Variants in COL4A1 observed in about 807,000 individuals in gnomAD.
The protein encoded by COL4A1 is collagen alpha-1(IV) chain.
In COL4A1, 40 loss-of-function variants were observed where a neutral mutation model predicts 216.6. The ratio of observed to expected loss-of-function variants is 0.18; its 90% CI spans 0.14 to 0.24. The LOEUF (loss-of-function observed/expected upper bound fraction) is 0.24. COL4A1 is among the 10% of genes least tolerant of loss of function. COL4A1 has a pLI of 1.00. For synonymous variants in COL4A1, 839 were observed against 810.7 expected (o/e 1.03, Z -0.59); for missense variants, 1,628 against 2,196.8 (o/e 0.74, Z 5.18).
At chr13:110,214,069 G>C in intron 2 of COL4A1, 54 bp from the exon 3 acceptor site, 1 of 1,467,442 alleles carries the variant, frequency 6.8e-7, no homozygotes, top group East Asian at 2.3e-5. Context: ...AACAGAGGAA[G>C]GAATTGGTGA....
chr13:110,214,309 C>T (rs1238507010), intron 2 of COL4A1, among the ~76,000 whole-genome samples: 1 of 152,056 alleles, frequency 6.6e-6, no homozygotes, highest in African/African-American at 2.4e-5. Context: ...AGGCTGGTCT[C>T]GAACTTCTGA....
rs186028417 is a variant in COL4A1 at position 110,163,454 on chromosome 13, G to T, written c.4249+9C>A. On this transcript the variant is annotated intron_variant, in intron 47 of 51. Transcript: ENST00000375820. ...CAAGGGTAATTACGTTGGAAGTTTC[G>T]CAACCTACCAGTAGGCCCGGCAGGT... The T allele has an allele frequency of 6.2e-7, 1 of 1,613,612 alleles. No homozygotes were observed. The highest frequency in any genetic ancestry group is 1.3e-5 in the African/African-American group (1 of 74,982).
chr13:110,169,771 A>C lies in COL4A1; in HGVS notation c.3743-9T>G. On this transcript the variant is annotated splice_polypyrimidine_tract_variant and intron_variant, in intron 42 of 51. Transcript: ENST00000375820. ...CATGGGTCCCGGAAGTCCTAATGGA[A>C]GAGAAGAAAGCCACACATTTGGGGT... is the stretch of plus-strand genomic sequence containing the variant. 2 of 1,613,828 alleles carry C rather than the reference A, an allele frequency of 1.2e-6. No homozygotes were observed. The highest frequency in any genetic ancestry group is 1.7e-6 in the Non-Finnish European group (2 of 1,179,984).
At chr13:110,279,501 C>CAG (rs1883543548) in intron 1 of COL4A1, among the ~76,000 whole-genome samples, 2 of 152,120 alleles carry the variant, frequency 1.3e-5, no homozygotes, top group Non-Finnish European at 2.9e-5. Flanking sequence ...TTGCTCAGTT[C>CAG]CCCATATCCT....
At chr13:110,194,982 A>C in intron 22 of COL4A1, 41 bp downstream of exon 22, 1 of 1,574,404 alleles carries the variant, frequency 6.4e-7, no homozygotes, top group East Asian at 2.2e-5. Flanking sequence ...AATCATACGC[A>C]AAGACACAAC....
Position 110,242,710 on chromosome 13 carries a change from C to T in COL4A1, c.109G>A (p.Gly37Ser). Residue 37 changes from glycine to serine, a missense_variant, in exon 2 of 52, where the codon GGC becomes AGC. Physicochemically the swap from Gly to Ser is moderately conservative, Grantham distance 56. This residue lies in a region of COL4A1 where 74 missense variants were observed against 61.7 expected (regional missense o/e 1.20). Coordinates refer to ENST00000375820, the MANE Select transcript of COL4A1 (RefSeq NM_001845.6). ...TTCACTCCATGGCAGTCACATTTGC[C>T]ACAGCCAGAGCCAGCACAGCCACCC... The part of the protein sequence containing the change: ...AKGGCAGSGC[G>S]KCDCHGVKGQ... 1 of 1,614,212 alleles carries T rather than the reference C, an allele frequency of 6.2e-7. No homozygotes were observed. Among genetic ancestry groups the T allele is most frequent in the Non-Finnish European group, 8.5e-7 (1 of 1,180,038 alleles).
chr13:110,238,453 C>A (rs1881420569), intron 2 of COL4A1, among the ~76,000 whole-genome samples: 1 of 152,162 alleles, frequency 6.6e-6, no homozygotes. Flanking sequence ...ACAGAAGAAC[C>A]TAGTCTATAT....
At chr13:110,165,059 G>A in intron 45 of COL4A1, 69 bp from the exon 46 acceptor site, 2 of 1,565,830 alleles carry the variant, frequency 1.3e-6, no homozygotes, top group African/African-American at 1.3e-5. Flanking sequence ...ACTTTAGAAG[G>A]AGAATCCCGG....
At chr13:110,239,668 C>T (rs74681789) in intron 2 of COL4A1, among the ~76,000 whole-genome samples, 7,607 of 152,224 alleles carry the variant, frequency 0.05, 347 homozygotes, top group African/African-American at 0.12. Context: ...TGTTTTTACA[C>T]TAGGTCGGCA....
chr13:110,241,150 G>A (rs1274727549), intron 2 of COL4A1, among the ~76,000 whole-genome samples: 2 of 152,290 alleles, frequency 1.3e-5, no homozygotes, highest in South Asian at 2.1e-4. Flanking sequence ...GATTACAGGC[G>A]TGACCCACCA....
intron 20 of COL4A1, among the ~76,000 whole-genome samples, 171 bp downstream of exon 20, chr13:110,200,683 T>C (rs557310016): frequency 3.9e-5 from 6 of 152,264 alleles, no homozygotes; most frequent in Admixed American, 2.6e-4. Context: ...AAAGACAAGA[T>C]ACTTATCTAC....
chr13:110,160,394 G>C (rs1376758974), intron 49 of COL4A1, among the ~76,000 whole-genome samples: 1 of 89,028 alleles, frequency 1.1e-5, no homozygotes, highest in Non-Finnish European at 2.2e-5. Flanking sequence ...AGTGAGCCGA[G>C]ATTGCGCCAC....
Position 110,174,448 on chromosome 13 carries a change from G to C in COL4A1, c.3404C>G (p.Ala1135Gly). Residue 1135 changes from alanine (A) to glycine (G), a missense_variant and splice_region_variant, in exon 39 of 52, where the codon GCA (alanine) becomes GGA (glycine). Ala to Gly is a moderately conservative substitution (Grantham distance 60). Transcript: ENST00000375820. ...GTGTCCCAAAGAGGGCCCTCTACCT[G>C]CTTCTCCTTTGACACCAGGGATGCC... is the stretch of plus-strand genomic sequence containing the variant. ...LDGIPGVKGEAGLPGTPGPTG... is the reference protein window; with the variant it reads ...LDGIPGVKGEGGLPGTPGPTG... 1 of 1,613,800 alleles carries C rather than the reference G, an allele frequency of 6.2e-7. No individual in the cohort carries two copies. The highest frequency in any genetic ancestry group is 8.5e-7 in the Non-Finnish European group (1 of 1,180,008).
chr13:110,189,040 G>GT (rs908726914), intron 24 of COL4A1, among the ~76,000 whole-genome samples: 51 of 152,086 alleles, frequency 3.4e-4, no homozygotes, highest in South Asian at 1.0e-3. Context: ...ATTTGTTTTT[G>GT]TTTTTTGTTT....
rs151312319 is a variant in COL4A1, at chr13:110,159,507, T to C, written c.4640+1685A>G. ...GGGACCCTGTGCGCTGTGGCAGGAA[T>C]GTAAAGGGTGTGGCCACTGTGGAAA... On this transcript the variant is annotated intron_variant, in intron 49 of 51. Coordinates refer to ENST00000375820, the MANE Select transcript of COL4A1 (RefSeq NM_001845.6). Among the ~76,000 whole-genome samples, 790 of 152,214 alleles carry C rather than the reference T, an allele frequency of 5.2e-3. 6 individuals carry two copies. The highest frequency in any genetic ancestry group is 0.018 in the African/African-American group (736 of 41,510).
At chr13:110,212,652 G>A in intron 4 of COL4A1, 34 bp from the exon 5 acceptor site, 1 of 1,612,566 alleles carries the variant, frequency 6.2e-7, no homozygotes, top group Non-Finnish European at 8.5e-7. Context: ...TGTCAGTGAA[G>A]AGCCGGGAAG....
At chr13:110,166,130 T>C (rs1182759703) in intron 45 of COL4A1, 102 bp downstream of exon 45, 1 of 793,758 alleles carries the variant, frequency 1.3e-6, no homozygotes, top group African/African-American at 1.7e-5. Context: ...TTTTGAGTCA[T>C]TTCACATATG....
At chr13:110,172,266 T>C (rs1475399827) in intron 41 of COL4A1, among the ~76,000 whole-genome samples, 2 of 152,254 alleles carry the variant, frequency 1.3e-5, no homozygotes, top group East Asian at 1.9e-4. Context: ...GAGAAGAGAC[T>C]GCCTTCCCAA....
In COL4A1 at chr13:110,179,336, A is replaced by G. The variant is rs760434529; in HGVS notation, c.2279T>C (p.Ile760Thr). The G allele has an allele frequency of 4.3e-6, 7 of 1,614,010 alleles. No homozygotes were observed. The Admixed American group carries it at 1.0e-4, about 23-fold the overall frequency. ...TTCTCCAGGAACGCCTGGTACCCCA[A>G]TGCTCCCCTTCTCCCCGGGTGTGCC... ...IPGTPGEKGS[I>T]GVPGVPGEHG... The change falls in exon 30 of 52, where the codon ATT becomes ACT. Residue 760 changes from isoleucine to threonine, a missense_variant. Physicochemically the swap from Ile to Thr is moderately conservative, Grantham distance 89. Transcript: ENST00000375820.
Sources: allele counts gnomAD v4.1 joint callset (sites outside exome capture counted in the v4.1 genomes callset), GRCh38; gene constraint gnomAD v4.1.1; regional missense constraint gnomAD v4.1.1; transcripts MANE v1.5; gene names NCBI Gene and HGNC (gene_info 2026-07-23, HGNC 2026-07-21).